The following HERC3 variants were observed in gnomAD, a reference collection of about 807,000 sequenced individuals.
HERC3 encodes the protein HECT and RLD domain containing E3 ubiquitin protein ligase 3.
A neutral mutation model predicts 129.9 loss-of-function variants in HERC3; 58 were observed. That is an observed-to-expected ratio of 0.45 (90% CI 0.36 to 0.56). HERC3 has a LOEUF of 0.56. HERC3 is among the 20% of genes least tolerant of loss of function. HERC3 has a pLI of 0.00. For synonymous variants in HERC3, 430 were observed against 451.0 expected (o/e 0.95, Z 0.59); for missense variants, 835 against 1,244.2 (o/e 0.67, Z 4.95).
At chr4:88,660,879 T>C (rs973023820) in intron 10 of HERC3, among the ~76,000 whole-genome samples, 2 of 152,158 alleles carry the variant, frequency 1.3e-5, no homozygotes, top group African/African-American at 2.4e-5. Context: ...TATGACTTGG[T>C]CATCAGGATT....
the HERC3 span, among the ~76,000 whole-genome samples, chr4:88,581,442 T>C: frequency 6.6e-6 from 1 of 150,670 alleles, no homozygotes; most frequent in Non-Finnish European, 1.5e-5. Context: ...GGATTACAGG[T>C]GCCCGCGACC....
At chr4:88,685,427 A>AT (rs1445382083) in intron 21 of HERC3, among the ~76,000 whole-genome samples, 1 of 152,214 alleles carries the variant, frequency 6.6e-6, no homozygotes, top group East Asian at 1.9e-4. Flanking sequence ...ATAAAAATGA[A>AT]TGAGTTTATG....
At chr4:88,530,846 G>T in the HERC3 span, among the ~76,000 whole-genome samples, 1 of 152,088 alleles carries the variant, frequency 6.6e-6, no homozygotes, top group Non-Finnish European at 1.5e-5. Flanking sequence ...AAGAGGAATA[G>T]TATTTTATTT....
chr4:88,661,951 G>C (rs1439000949), intron 10 of HERC3, among the ~76,000 whole-genome samples: 1 of 152,176 alleles, frequency 6.6e-6, no homozygotes, highest in Non-Finnish European at 1.5e-5. Flanking sequence ...AAAGAAGTCT[G>C]GGAAAGTTGT....
At chr4:88,602,621 G>A (rs959611019) in intron 2 of HERC3, among the ~76,000 whole-genome samples, 4 of 151,910 alleles carry the variant, frequency 2.6e-5, no homozygotes, top group African/African-American at 9.7e-5. Context: ...GGGACTACAG[G>A]TGTGTCCTAC....
At chr4:88,543,337 G>C in the HERC3 span, among the ~76,000 whole-genome samples, 3 of 152,050 alleles carry the variant, frequency 2.0e-5, no homozygotes, top group Non-Finnish European at 4.4e-5. Flanking sequence ...ATTCATAATT[G>C]CTACACAGAG....
intron 23 of HERC3, chr4:88,697,353 C>T (rs769241236): frequency 6.2e-7 from 1 of 1,613,962 alleles, no homozygotes; most frequent in Non-Finnish European, 8.5e-7. Flanking sequence ...CCTCCCCCTC[C>T]AAGGTCCATG....
chr4:88,641,392 G>T (rs970636238), intron 3 of HERC3, among the ~76,000 whole-genome samples: 2 of 152,156 alleles, frequency 1.3e-5, no homozygotes, highest in African/African-American at 4.8e-5. Flanking sequence ...CTTCACTTAT[G>T]AAATGAGAAA....
At chr4:88,666,469 CA>C (rs1328950438) in intron 12 of HERC3, among the ~76,000 whole-genome samples, 1 of 151,948 alleles carries the variant, frequency 6.6e-6, no homozygotes, top group Non-Finnish European at 1.5e-5. Context: ...ACGAAAGACC[CA>C]AAAAACAAAG....
At chr4:88,642,208 T>C (rs994706580) in intron 3 of HERC3, among the ~76,000 whole-genome samples, 21 of 150,528 alleles carry the variant, frequency 1.4e-4, no homozygotes, top group African/African-American at 4.9e-4. Flanking sequence ...CCAAATGTTA[T>C]CAAGCATTTA....
intron 20 of HERC3, 106 bp from the exon 21 acceptor site, chr4:88,681,053 G>C: frequency 6.8e-7 from 1 of 1,466,114 alleles, no homozygotes; most frequent in Non-Finnish European, 9.0e-7. Context: ...ATATTAATGA[G>C]ACCTTTATTC....
At chr4:88,686,025 CA>C (rs1733409908) in intron 21 of HERC3, among the ~76,000 whole-genome samples, 1 of 152,070 alleles carries the variant, frequency 6.6e-6, no homozygotes, top group Non-Finnish European at 1.5e-5. Flanking sequence ...TTGTTGAAGA[CA>C]GCAGTGTTTT....
At chr4:88,687,092 C>A in intron 22 of HERC3, 125 bp from the exon 23 acceptor site, 1 of 697,864 alleles carries the variant, frequency 1.4e-6, no homozygotes, top group Non-Finnish European at 2.4e-6. Flanking sequence ...GATTATTCTC[C>A]CACTAATTTT....
In HERC3 at chr4:88,668,098, C is replaced by T. The variant is rs763399053; in HGVS notation, c.1633+17C>T. The stretch of plus-strand genomic sequence containing the variant: ...AAGTACTAGGTGAATTTGCTAACCT[C>T]GATATCAGTGGTTTTATGGTCATTT... On this transcript the variant is annotated intron_variant, in intron 14 of 25. Coordinates refer to ENST00000402738, the MANE Select transcript of HERC3 (RefSeq NM_014606.3). 8.1e-6 allele frequency: 13 copies of T among 1,598,816 alleles called. No individual in the cohort carries two copies. The highest frequency in any genetic ancestry group is 1.7e-5 in the Admixed American group (1 of 59,280).
Position 88,670,024 on chromosome 4 carries a change from G to T in HERC3, c.1797+1G>T, listed in dbSNP as rs913668331. On this transcript the variant is annotated splice_donor_variant, in intron 15 of 25. Coordinates refer to ENST00000402738, the MANE Select transcript of HERC3 (RefSeq NM_014606.3). LOFTEE classifies it high-confidence loss of function. ...CAAACTCTTGGAGAAGTTATATAAG[G>T]TGAGCATAGGAGGTGCTAGTGGGGA... 1 of 1,613,508 alleles carries T rather than the reference G, an allele frequency of 6.2e-7. No individual in the cohort carries two copies. Among genetic ancestry groups the T allele is most frequent in the South Asian group, 1.1e-5 (1 of 91,068 alleles).
At chr4:88,612,264 A>G (rs951518711) in intron 3 of HERC3, among the ~76,000 whole-genome samples, 4 of 150,416 alleles carry the variant, frequency 2.7e-5, no homozygotes, top group Non-Finnish European at 5.9e-5. Context: ...TACTTCTCAC[A>G]TTAGCAATAC....
At chr4:88,541,707 C>T in the HERC3 span, among the ~76,000 whole-genome samples, 5 of 152,260 alleles carry the variant, frequency 3.3e-5, no homozygotes, top group Middle Eastern at 6.8e-3. Flanking sequence ...TAAAACACTC[C>T]TCAGCAAAAG....
At chr4:88,561,746 G>A in the HERC3 span, among the ~76,000 whole-genome samples, 1 of 151,852 alleles carries the variant, frequency 6.6e-6, no homozygotes, top group African/African-American at 2.4e-5. Context: ...TCCCACAAAT[G>A]AATGAGAACA....
intron 19 of HERC3, among the ~76,000 whole-genome samples, chr4:88,679,149 G>A (rs1285697838): frequency 2.6e-5 from 4 of 152,174 alleles, no homozygotes; most frequent in Non-Finnish European, 4.4e-5. Flanking sequence ...TATGCATAAG[G>A]CTGTTCTGAG....
Sources: gnomAD v4.1 joint callset for allele counts (sites outside exome capture counted in the v4.1 genomes callset) on GRCh38, gnomAD v4.1.1 for gene constraint, MANE v1.5 for transcripts, NCBI Gene and HGNC (gene_info 2026-07-23, HGNC 2026-07-21) for gene names.